Variants in UBR4 observed in about 807,000 individuals in gnomAD.
UBR4 encodes the protein ubiquitin protein ligase E3 component n-recognin 4, also known as E3 ubiquitin-protein ligase UBR4.
In UBR4, 124 loss-of-function variants were observed where a neutral mutation model predicts 575.6. The observed-to-expected ratio is 0.22, with a 90% CI of 0.19 to 0.25. The LOEUF (loss-of-function observed/expected upper bound fraction) is 0.25, where lower values mean the gene tolerates loss of function less well. Ranked by LOEUF, UBR4 falls within the 10% of genes least tolerant of loss-of-function variation. UBR4 has a pLI of 1.00. For missense variants in UBR4, 4,818 were observed against 6,478.8 expected (o/e 0.74, Z 8.80); for synonymous variants, 2,455 against 2,473.7 (o/e 0.99, Z 0.22).
At chr1:19,098,768 T>C (rs2078316153) in intron 90 of UBR4, among the ~76,000 whole-genome samples, 5 of 152,226 alleles carry the variant, frequency 3.3e-5, no homozygotes, top group Admixed American at 1.3e-4. Context: ...AATAGTATAC[T>C]GCCAATTTAG....
chr1:19,186,586 A>T lies in UBR4; in HGVS notation c.1704T>A (p.Thr568=), dbSNP rs1370754693. 6.2e-7 allele frequency: 1 copy of T among 1,614,052 alleles called. No homozygotes were observed. Among genetic ancestry groups the T allele is most frequent in the Admixed American group, 1.7e-5 (1 of 60,014 alleles). The change falls in exon 14 of 106, where the codon ACT becomes ACA. Residue 568 remains threonine, a synonymous_variant. Transcript: ENST00000375254. ...TGCTACTGAAATCGTCCTCATAGTA[A>T]GTATTGGAGTCGGTGGAGGCGCTGG... The part of the protein sequence containing the change: ...SDASASTDSN[T]YYEDDFSSTE...
intron 7 of UBR4, 26 bp downstream of exon 7, chr1:19,197,644 A>C: frequency 6.2e-7 from 1 of 1,611,154 alleles, no homozygotes; most frequent in South Asian, 1.1e-5. Flanking sequence ...AAAAAAGTAA[A>C]GCATGTGCAC....
intron 48 of UBR4, chr1:19,151,384 A>G: frequency 1.8e-6 from 1 of 559,112 alleles, no homozygotes. Context: ...TAGCCCCATT[A>G]GTGAGGTGGA....
At chr1:19,177,981 G>C (rs1005303764) in intron 18 of UBR4, among the ~76,000 whole-genome samples, 1 of 152,170 alleles carries the variant, frequency 6.6e-6, no homozygotes, top group African/African-American at 2.4e-5. Context: ...TTGGGAGGTC[G>C]AGGGGAGGAT....
At chr1:19,083,179 G>A (rs1042026169) in intron 102 of UBR4, among the ~76,000 whole-genome samples, 2 of 152,138 alleles carry the variant, frequency 1.3e-5, no homozygotes, top group Non-Finnish European at 2.9e-5. Context: ...CAGTGGGAAG[G>A]TCTGCGCCAT....
chr1:19,172,359 A>G (rs1428898441), intron 25 of UBR4, among the ~76,000 whole-genome samples: 2 of 152,012 alleles, frequency 1.3e-5, no homozygotes, highest in Non-Finnish European at 1.5e-5. Context: ...TCTACTAAAA[A>G]CACAAAAATT....
At chr1:19,102,023 C>T (rs2078683074) in intron 87 of UBR4, among the ~76,000 whole-genome samples, 1 of 152,214 alleles carries the variant, frequency 6.6e-6, no homozygotes, top group African/African-American at 2.4e-5. Flanking sequence ...AAGGAAGTTA[C>T]AGTTAGTTTT....
chr1:19,168,335 G>T, intron 27 of UBR4, 151 bp from the exon 28 acceptor site: 1 of 674,014 alleles, frequency 1.5e-6, no homozygotes, highest in Non-Finnish European at 2.2e-6. Context: ...ATGCTGGGAA[G>T]GGAAGTGGGG....
intron 27 of UBR4, among the ~76,000 whole-genome samples, chr1:19,168,680 A>C (rs932735545): frequency 1.3e-5 from 2 of 152,208 alleles, no homozygotes; most frequent in Non-Finnish European, 2.9e-5. Flanking sequence ...TAACTGACAG[A>C]AGACTCAGTA....
At chr1:19,085,604 T>C (rs1240776980) in intron 101 of UBR4, among the ~76,000 whole-genome samples, 1 of 152,184 alleles carries the variant, frequency 6.6e-6, no homozygotes, top group African/African-American at 2.4e-5. Context: ...AGGCATCTTT[T>C]TATCCCTGAG....
intron 55 of UBR4, among the ~76,000 whole-genome samples, chr1:19,143,504 T>C (rs144452098): frequency 1.3e-5 from 2 of 152,238 alleles, no homozygotes; most frequent in Non-Finnish European, 2.9e-5. Context: ...GGGAAATTCC[T>C]GTGAAATTTG....
Position 19,179,044 on chromosome 1 carries a change from A to T in UBR4, c.2354+7T>A. 1 of 1,612,574 alleles carries T rather than the reference A, an allele frequency of 6.2e-7. No homozygotes were observed. The highest frequency in any genetic ancestry group is 8.5e-7 in the Non-Finnish European group (1 of 1,179,588). ...TCTCTATAGGCCTTCTCTTACAGACATCTTACCTGTCCCAAACTTTAAGGC... is the reference window on the plus strand; with the variant it reads ...TCTCTATAGGCCTTCTCTTACAGACTTCTTACCTGTCCCAAACTTTAAGGC... On this transcript the variant is annotated splice_region_variant and intron_variant, in intron 18 of 105. Coordinates refer to ENST00000375254, the MANE Select transcript of UBR4 (RefSeq NM_020765.3).
chr1:19,202,639 G>A (rs986461657), intron 1 of UBR4, among the ~76,000 whole-genome samples: 1 of 151,990 alleles, frequency 6.6e-6, no homozygotes, highest in Admixed American at 6.6e-5. Context: ...CAAAAGAGTC[G>A]GTGATTTTTT....
chr1:19,076,704 C>A (rs369627567), intron 105 of UBR4, 36 bp downstream of exon 105: 7 of 1,613,600 alleles, frequency 4.3e-6, no homozygotes, highest in Non-Finnish European at 5.9e-6. Context: ...GGCTTTGCTG[C>A]GGAGGATCTT....
At chr1:19,075,509 C>G (rs1352988933) in intron 105 of UBR4, 1 of 158,874 alleles carries the variant, frequency 6.3e-6, no homozygotes, top group African/African-American at 2.4e-5. Flanking sequence ...GGTGAAACAT[C>G]TAGGCTGAAA....
rs776975300 is a variant in UBR4 at position 19,100,557 on chromosome 1, G to A, written c.13040C>T (p.Thr4347Ile). ...CTTCTCCAGGGTCACAAAGAACTCA[G>A]TGACTTCATTCTCCTCCTGGAGGAC... ...SIIYPEENEVTEFFVTLEKDP... is the reference protein window; with the variant it reads ...SIIYPEENEVIEFFVTLEKDP... The change falls in exon 89 of 106, where the codon ACT becomes ATT. Residue 4347 changes from threonine (T) to isoleucine (I), a missense_variant. Thr to Ile is a moderately conservative substitution (Grantham distance 89). Coordinates refer to ENST00000375254, the MANE Select transcript of UBR4 (RefSeq NM_020765.3). This position sits in a 1 kb window ranked among gnomAD's most constrained non-coding sequence, Gnocchi z 4.2. 3 of 1,614,050 alleles carry A rather than the reference G, an allele frequency of 1.9e-6. No individual in the cohort carries two copies. The highest frequency in any genetic ancestry group is 2.5e-6 in the Non-Finnish European group (3 of 1,180,006).
chr1:19,129,115 C>A, intron 60 of UBR4, 41 bp from the exon 61 acceptor site: 2 of 1,560,128 alleles, frequency 1.3e-6, no homozygotes, highest in Non-Finnish European at 1.8e-6. Context: ...GAGCTGTACT[C>A]CAACAGGACA....
chr1:19,092,873 C>T lies in UBR4; in HGVS notation c.14157G>A (p.Leu4719=), dbSNP rs1434615622. 2 of 1,613,402 alleles carry T rather than the reference C, an allele frequency of 1.2e-6. No homozygotes were observed. Among genetic ancestry groups the T allele is most frequent in the Admixed American group, 1.7e-5 (1 of 59,964 alleles). ...CCCGAAGCAGCCTTAGGATAAATGG[C>T]AAGGCTGGGCGAGACAAAAACTTTT... is the stretch of plus-strand genomic sequence containing the variant. ...IWKKFLSRPA[L]PFILRLLRGL... The change falls in exon 97 of 106, where the codon TTG becomes TTA. Residue 4719 remains leucine (L), a synonymous_variant. Coordinates refer to ENST00000375254, the MANE Select transcript of UBR4 (RefSeq NM_020765.3).
Position 19,110,889 on chromosome 1 carries a change from T to C in UBR4, c.11802-57A>G. The C allele has an allele frequency of 5.2e-6, 8 of 1,541,938 alleles. No homozygotes were observed. The highest frequency in any genetic ancestry group is 7.1e-6 in the Non-Finnish European group (8 of 1,126,434). ...ATTCACAATCAGGTGTGACACTCCT[T>C]TCCACCTGAAGGGGCCCAGGGAAAA... On this transcript the variant is annotated intron_variant, in intron 78 of 105. Coordinates refer to ENST00000375254, the MANE Select transcript of UBR4 (RefSeq NM_020765.3). The surrounding 1 kb of genome is among the most constrained non-coding windows in gnomAD (Gnocchi z 4.5).
Sources: gnomAD v4.1 joint callset for allele counts (sites outside exome capture counted in the v4.1 genomes callset) on GRCh38, gnomAD v4.1.1 for gene constraint, Gnocchi (gnomAD v3.1) non-coding constraint, MANE v1.5 for transcripts, NCBI Gene and HGNC (gene_info 2026-07-23, HGNC 2026-07-21) for gene names.